The following ANKRD36 variants were observed in gnomAD, a reference collection of about 807,000 sequenced individuals.
ANKRD36 encodes the protein ankyrin repeat domain 36.
A neutral mutation model predicts 278.1 loss-of-function variants in ANKRD36; 179 were observed. The observed-to-expected ratio is 0.64, with a 90% CI of 0.57 to 0.73. The LOEUF (loss-of-function observed/expected upper bound fraction) is 0.73. Among genes scored for constraint, ANKRD36 ranks in the 30% least tolerant of loss-of-function variants. The pLI is 0.00. For missense variants in ANKRD36, 1,159 were observed against 1,956.7 expected, an observed-to-expected ratio of 0.59 and a Z score of 7.69; for synonymous variants, 320 against 641.1, an observed-to-expected ratio of 0.50 and a Z score of 7.57.
intron 56 of ANKRD36, among the ~76,000 whole-genome samples, chr2:97,211,314 A>G (rs1335505411): frequency 2.6e-5 from 4 of 151,938 alleles, no homozygotes; most frequent in African/African-American, 9.7e-5. Flanking sequence ...AGTTTTCGAC[A>G]TATGACAAAT....
At chr2:97,235,576 T>G (rs1430242444) in intron 68 of ANKRD36, among the ~76,000 whole-genome samples, 3 of 141,816 alleles carry the variant, frequency 2.1e-5, no homozygotes, top group Non-Finnish European at 4.5e-5. Flanking sequence ...ATTGCCAACA[T>G]AGACAGCACA....
chr2:97,209,761 A>G (rs2063870488), intron 55 of ANKRD36, 39 bp from the exon 56 acceptor site: 8 of 1,586,152 alleles, frequency 5.0e-6, no homozygotes, highest in Non-Finnish European at 6.0e-6. Flanking sequence ...AGCCTATGAA[A>G]GATACCTTAC....
At chr2:97,155,699 C>G (rs1364952163) in intron 15 of ANKRD36, among the ~76,000 whole-genome samples, 1 of 146,092 alleles carries the variant, frequency 6.8e-6, no homozygotes, top group Non-Finnish European at 1.5e-5. Flanking sequence ...GTCTTTGTAT[C>G]TCATTCTAAA....
At position 97,205,967 on chromosome 2, in the gene ANKRD36, A is replaced by C; in HGVS notation, c.3089A>C (p.Lys1030Thr). The C allele has an allele frequency of 6.4e-7, 1 of 1,555,694 alleles. No individual in the cohort carries two copies. Among genetic ancestry groups the C allele is most frequent in the Non-Finnish European group, 8.7e-7 (1 of 1,154,680 alleles). ...TVSSQKPPTL[K>T]ATSDEEDSVL... ...TCTTCTCAGAAACCACCAACCTTGA[A>C]GGTAATGAAACTCCCATTTATATTG... is the stretch of plus-strand genomic sequence containing the variant. The change falls in exon 51 of 76, where the codon AAG becomes ACG. Residue 1030 changes from lysine to threonine, a missense_variant and splice_region_variant. Transcript: ENST00000420699.
chr2:97,195,276 A>T, intron 40 of ANKRD36, among the ~76,000 whole-genome samples: 1 of 151,960 alleles, frequency 6.6e-6, no homozygotes, highest in Non-Finnish European at 1.5e-5. Context: ...TCGTAGTGCT[A>T]AAAACAGACA....
rs533228284 is a variant in ANKRD36, at chr2:97,124,488, G to A, written c.622G>A (p.Gly208Arg). 4 of 1,550,536 alleles carry A rather than the reference G, an allele frequency of 2.6e-6. No homozygotes were observed. The highest frequency in any genetic ancestry group is 2.0e-5 in the Admixed American group (1 of 50,536). The change falls in exon 5 of 76, where the codon GGA becomes AGA. Residue 208 changes from glycine to arginine, a missense_variant. Coordinates refer to ENST00000420699, the MANE Select transcript of ANKRD36 (RefSeq NM_001354587.1). ...RSALIHAVTLGEKDIVILLLQ... is the reference protein window; with the variant it reads ...RSALIHAVTLREKDIVILLLQ... ...AGCCCTCATACATGCTGTTACTCTT[G>A]GAGAAAAAGATATAGTCATTCTTCT...
Position 97,139,550 on chromosome 2 carries a change from C to T in ANKRD36, c.800-3090C>T, listed in dbSNP as rs1359548809. ...CTAATGATATGCCATGTGATGACTG[C>T]AGCATATTTAATTATGCTCTCTTCG... On this transcript the variant is annotated intron_variant, in intron 6 of 75. Transcript: ENST00000420699. 8.6e-5 allele frequency among the ~76,000 whole-genome samples: 13 copies of T among 152,034 alleles called. No homozygotes were observed. The East Asian group carries it at 2.5e-3, about 29-fold the overall frequency.
intron 6 of ANKRD36, among the ~76,000 whole-genome samples, chr2:97,137,912 G>A (rs1471178405): frequency 6.6e-6 from 1 of 152,046 alleles, no homozygotes; most frequent in Non-Finnish European, 1.5e-5. Context: ...ATTCTTTTGA[G>A]AAGTGTCTGT....
At chr2:97,204,602 A>T (rs3926005) in intron 50 of ANKRD36, among the ~76,000 whole-genome samples, 90,761 of 150,932 alleles carry the variant, frequency 0.6, 30,836 homozygotes, top group Non-Finnish European at 0.78. Flanking sequence ...GTATAGAATT[A>T]ACACACTTCA....
chr2:97,117,785 T>A, intron 1 of ANKRD36, among the ~76,000 whole-genome samples: 1 of 151,934 alleles, frequency 6.6e-6, no homozygotes, highest in African/African-American at 2.4e-5. Context: ...ACTATTCTCT[T>A]ATATATTTTA....
In ANKRD36 at chr2:97,205,614, T is replaced by A. The variant is rs190170496; in HGVS notation, c.3062-326T>A. ...ACCTGCTTTGACATTGATTCTCAGG[T>A]GTGTGAGTTGCTCCTCTGATTTTAG... On this transcript the variant is annotated intron_variant, in intron 50 of 75. Transcript: ENST00000420699. 2.2e-4 allele frequency among the ~76,000 whole-genome samples: 33 copies of A among 151,614 alleles called. No individual in the cohort carries two copies. In the East Asian group the frequency reaches 4.5e-3, roughly 21 times the overall value.
intron 12 of ANKRD36, among the ~76,000 whole-genome samples, chr2:97,150,473 A>G (rs1173506378): frequency 6.6e-6 from 1 of 152,274 alleles, no homozygotes; most frequent in Non-Finnish European, 1.5e-5. Flanking sequence ...TTTAATGTGA[A>G]TCAACAAACA....
chr2:97,226,239 C>G (rs1456150254), intron 67 of ANKRD36, among the ~76,000 whole-genome samples: 1 of 151,852 alleles, frequency 6.6e-6, no homozygotes, highest in Non-Finnish European at 1.5e-5. Flanking sequence ...ACAGTCCCAC[C>G]AACAGTGTAA....
chr2:97,132,048 G>C lies in ANKRD36; in HGVS notation c.799+4914G>C, dbSNP rs367677862. Among the ~76,000 whole-genome samples the C allele has an allele frequency of 4.8e-3, 730 of 151,850 alleles. 6 individuals are homozygous for C. The highest frequency in any genetic ancestry group is 0.019 in the East Asian group (96 of 5,124). ...TTCACCGTGTTAGCCAGGATGGTCT[G>C]CATCTCCTGACCTTGTGATCTGCCC... On this transcript the variant is annotated intron_variant, in intron 6 of 75. Transcript: ENST00000420699.
intron 22 of ANKRD36, among the ~76,000 whole-genome samples, chr2:97,168,197 A>C (rs2051312189): frequency 6.6e-6 from 1 of 152,294 alleles, no homozygotes; most frequent in African/African-American, 2.4e-5. Flanking sequence ...AGAACCTTCG[A>C]GTCTTCACCC....
At chr2:97,224,078 T>C (rs1469949412) in intron 66 of ANKRD36, among the ~76,000 whole-genome samples, 1 of 151,962 alleles carries the variant, frequency 6.6e-6, no homozygotes, top group Non-Finnish European at 1.5e-5. Context: ...GATGAAAGTG[T>C]AAACAGTAGC....
At chr2:97,195,811 G>C (rs1430167591) in intron 40 of ANKRD36, among the ~76,000 whole-genome samples, 9 of 151,874 alleles carry the variant, frequency 5.9e-5, no homozygotes, top group African/African-American at 2.2e-4. Context: ...ATGAATATTG[G>C]AATGATTTCT....
In ANKRD36 at chr2:97,183,649, G is replaced by A. The variant is rs1330118127; in HGVS notation, c.1934G>A (p.Gly645Glu). The change falls in exon 28 of 76, where the codon GGA becomes GAA. Residue 645 changes from glycine (G) to glutamate (E), a missense_variant. By Grantham distance (98) the Gly-to-Glu change is moderately conservative. Coordinates refer to ENST00000420699, the MANE Select transcript of ANKRD36 (RefSeq NM_001354587.1). ...ATRIMGGGKS[G>E]TVSSQKQPAS... ...AGAATAATGGGTGGTGGGAAATCTG[G>A]AACAGGTAATTTGGCAATACACATT... 1 of 1,572,548 alleles carries A rather than the reference G, an allele frequency of 6.4e-7. No individual in the cohort carries two copies. Among genetic ancestry groups the A allele is most frequent in the Non-Finnish European group, 8.6e-7 (1 of 1,159,038 alleles).
intron 66 of ANKRD36, among the ~76,000 whole-genome samples, chr2:97,223,195 G>A (rs1170338640): frequency 1.3e-5 from 2 of 148,674 alleles, no homozygotes; most frequent in Admixed American, 6.7e-5. Flanking sequence ...CCACCTCCCG[G>A]GTTAAAGCGA....
Sources: allele counts gnomAD v4.1 joint callset (sites outside exome capture counted in the v4.1 genomes callset), GRCh38; gene constraint gnomAD v4.1.1; transcripts MANE v1.5; gene names NCBI Gene and HGNC (gene_info 2026-07-23, HGNC 2026-07-21).